The following LRRC37A2 variants were observed in gnomAD, a reference collection of about 807,000 sequenced individuals.
LRRC37A2 encodes the protein leucine-rich repeat-containing protein 37A2.
In LRRC37A2, 9 loss-of-function variants were observed where a neutral mutation model predicts 68.8. The observed-to-expected ratio is 0.13, with a 90% CI of 0.08 to 0.23. LRRC37A2 has a LOEUF of 0.23. Ranked by LOEUF, LRRC37A2 falls within the 10% of genes least tolerant of loss-of-function variation. LRRC37A2 has a pLI of 1.00. For synonymous variants in LRRC37A2, 63 were observed against 367.6 expected (o/e 0.17, Z 9.48); for missense variants, 168 against 950.4 (o/e 0.18, Z 10.82).
chr17:46,498,893 CTACATATATA>C, the LRRC37A2 span, among the ~76,000 whole-genome samples: 2 of 150,600 alleles, frequency 1.3e-5, no homozygotes, highest in African/African-American at 2.5e-5. Context: ...GTATATATAT[CTACATATATA>C]TACATATATA....
At chr17:46,756,185 A>T in the LRRC37A2 span, 1 of 188,580 alleles carries the variant, frequency 5.3e-6, no homozygotes, top group African/African-American at 2.3e-5. Flanking sequence ...AGTGTCATGA[A>T]TGTTGCATGA....
chr17:46,533,576 G>A (rs1261858576), intron 6 of LRRC37A2, among the ~76,000 whole-genome samples: 4 of 111,878 alleles, frequency 3.6e-5, no homozygotes, highest in Non-Finnish European at 6.8e-5. Context: ...ATCTTTACTC[G>A]CCGCAACCTC....
At chr17:46,992,767 C>T in the LRRC37A2 span, among the ~76,000 whole-genome samples, 5 of 143,808 alleles carry the variant, frequency 3.5e-5, no homozygotes, top group Admixed American at 7.4e-5. Flanking sequence ...GCAGGAGAAT[C>T]GTTTGAACCT....
chr17:46,942,383 C>T, the LRRC37A2 span, among the ~76,000 whole-genome samples: 4 of 152,214 alleles, frequency 2.6e-5, no homozygotes, highest in Non-Finnish European at 5.9e-5. Context: ...ATCATTTATC[C>T]TCATTATGCA....
chr17:46,543,326 G>C (rs533084850), intron 8 of LRRC37A2, among the ~76,000 whole-genome samples: 202 of 150,308 alleles, frequency 1.3e-3, no homozygotes, highest in Non-Finnish European at 2.1e-3. Flanking sequence ...GTATACCTCA[G>C]GTCATTTACA....
At chr17:46,938,531 A>G in the LRRC37A2 span, 11 of 1,608,432 alleles carry the variant, frequency 6.8e-6, no homozygotes, top group African/African-American at 1.2e-4. Context: ...CCATCTCCTG[A>G]TGCCATTCAC....
chr17:46,903,680 C>T, the LRRC37A2 span, among the ~76,000 whole-genome samples: 11,287 of 149,008 alleles, frequency 0.076, 1,088 homozygotes, highest in African/African-American at 0.23. Flanking sequence ...AACAGGTGGG[C>T]GGATGTATGG....
At chr17:46,779,225 G>A in the LRRC37A2 span, among the ~76,000 whole-genome samples, 4 of 152,158 alleles carry the variant, frequency 2.6e-5, no homozygotes, top group African/African-American at 4.8e-5. Flanking sequence ...CAGACCTCCC[G>A]GCATCCGGAG....
At chr17:46,939,064 C>T in the LRRC37A2 span, 1 of 1,050,162 alleles carries the variant, frequency 9.5e-7, no homozygotes, top group Non-Finnish European at 1.2e-6. Context: ...GTTCACATAG[C>T]TGATGCGTGC....
the LRRC37A2 span, among the ~76,000 whole-genome samples, chr17:46,952,431 T>TA: frequency 6.6e-6 from 1 of 152,056 alleles, no homozygotes; most frequent in South Asian, 2.1e-4. Flanking sequence ...CTATTCTCAC[T>TA]AGCTACACGC....
At chr17:46,906,302 G>A in the LRRC37A2 span, among the ~76,000 whole-genome samples, 1 of 152,218 alleles carries the variant, frequency 6.6e-6, no homozygotes, top group Non-Finnish European at 1.5e-5. Context: ...CATAAGGTCG[G>A]AAAGGACTTC....
At chr17:46,610,027 T>TTCTTTCTTTCTTTC in the LRRC37A2 span, among the ~76,000 whole-genome samples, 41 of 109,548 alleles carry the variant, frequency 3.7e-4, no homozygotes, top group African/African-American at 1.3e-3. Flanking sequence ...CTTTCTTTCT[T>TTCTTTCTTTCTTTC]TCTCTCTCTC....
chr17:46,919,808 G>A, the LRRC37A2 span, among the ~76,000 whole-genome samples: 4 of 152,044 alleles, frequency 2.6e-5, no homozygotes, highest in African/African-American at 9.7e-5. Flanking sequence ...TTAGCTGGGC[G>A]TGGTGGTGGG....
chr17:46,752,007 T>C, the LRRC37A2 span, among the ~76,000 whole-genome samples: 1 of 152,196 alleles, frequency 6.6e-6, no homozygotes, highest in Non-Finnish European at 1.5e-5. Flanking sequence ...GGGATGGTGT[T>C]GCACCTCAAG....
the LRRC37A2 span, among the ~76,000 whole-genome samples, chr17:46,903,394 C>T: frequency 0.014 from 2,060 of 152,242 alleles, 79 homozygotes; most frequent in Admixed American, 0.073. Context: ...GCTGAACTGG[C>T]AGGCACTTGG....
At chr17:46,881,666 C>G in the LRRC37A2 span, among the ~76,000 whole-genome samples, 9 of 152,188 alleles carry the variant, frequency 5.9e-5, no homozygotes, top group Admixed American at 1.3e-4. Flanking sequence ...CCACCTCCAG[C>G]TGCTCAATGC....
the LRRC37A2 span, among the ~76,000 whole-genome samples, chr17:46,865,241 A>G: frequency 6.6e-6 from 1 of 152,100 alleles, no homozygotes; most frequent in Non-Finnish European, 1.5e-5. Context: ...TTGAGATGCA[A>G]AGCATGCTTG....
the LRRC37A2 span, among the ~76,000 whole-genome samples, chr17:46,944,121 C>T: frequency 5.9e-4 from 90 of 152,296 alleles, no homozygotes; most frequent in Admixed American, 1.0e-3. Flanking sequence ...CCAACCTCCT[C>T]AGAAGACAGT....
chr17:46,735,680 C>T, the LRRC37A2 span, among the ~76,000 whole-genome samples: 1 of 152,136 alleles, frequency 6.6e-6, no homozygotes. Context: ...CGCAGTGGCT[C>T]ATGCCTGTAA....
Sources: allele counts gnomAD v4.1 joint callset (sites outside exome capture counted in the v4.1 genomes callset), GRCh38; gene constraint gnomAD v4.1.1; transcripts MANE v1.5; gene names NCBI Gene and HGNC (gene_info 2026-07-23, HGNC 2026-07-21).